The following SORCS2 variants were observed in gnomAD, a reference collection of about 807,000 sequenced individuals.
SORCS2 encodes the protein VPS10 domain-containing receptor SorCS2.
Under a neutral mutation model 141.6 loss-of-function variants are expected in SORCS2, and 100 were observed. The ratio of observed to expected loss-of-function variants is 0.71; its 90% CI spans 0.60 to 0.83. SORCS2 has a LOEUF of 0.83. Ranked by LOEUF, SORCS2 falls within the 40% of genes least tolerant of loss-of-function variation. The pLI is 0.00. For synonymous variants in SORCS2, 789 were observed against 676.9 expected (o/e 1.17, Z -2.57); for missense variants, 1,646 against 1,560.2 (o/e 1.05, Z -0.93).
intron 2 of SORCS2, among the ~76,000 whole-genome samples, chr4:7,518,206 C>T (rs978962726): frequency 5.9e-5 from 9 of 152,154 alleles, no homozygotes; most frequent in Non-Finnish European, 1.3e-4. Flanking sequence ...GATACATTAG[C>T]GTATCAGGAA....
At chr4:7,531,248 A>C (rs1711613654) in intron 2 of SORCS2, among the ~76,000 whole-genome samples, 1 of 152,098 alleles carries the variant, frequency 6.6e-6, no homozygotes, top group Non-Finnish European at 1.5e-5. Flanking sequence ...ATGGGGGAGG[A>C]ATGACTGGCT....
intron 3 of SORCS2, among the ~76,000 whole-genome samples, chr4:7,557,218 C>G (rs906948292): frequency 2.0e-5 from 3 of 152,174 alleles, no homozygotes; most frequent in African/African-American, 7.2e-5. Flanking sequence ...TGCCCAAGGT[C>G]TTTTCCTCTT....
At chr4:7,579,732 T>G (rs1716019699) in intron 3 of SORCS2, among the ~76,000 whole-genome samples, 1 of 152,182 alleles carries the variant, frequency 6.6e-6, no homozygotes, top group Non-Finnish European at 1.5e-5. Context: ...CAGAGGTGGA[T>G]GAGATGTGTC....
chr4:7,492,946 C>A (rs1731401077), intron 2 of SORCS2, among the ~76,000 whole-genome samples: 1 of 152,152 alleles, frequency 6.6e-6, no homozygotes, highest in Non-Finnish European at 1.5e-5. Context: ...CCCCCAAATA[C>A]ATAATTGCTC....
rs1722364640 is a variant in SORCS2 at position 7,664,330 on chromosome 4, G to C, written c.953-23G>C. 1.9e-6 allele frequency: 3 copies of C among 1,600,778 alleles called. No homozygotes were observed. ...GGCTCCGGCTGGAGTCTGACCGCCT[G>C]GGTCGGCGCCTCTCTCCTGTAGATT... is the stretch of plus-strand genomic sequence containing the variant. On this transcript the variant is annotated intron_variant, in intron 6 of 26. Coordinates refer to ENST00000507866, the MANE Select transcript of SORCS2 (RefSeq NM_020777.3). The surrounding 1 kb of genome is among the most constrained non-coding windows in gnomAD (Gnocchi z 4.7).
chr4:7,390,859 G>C (rs950181974), intron 1 of SORCS2, among the ~76,000 whole-genome samples: 3 of 152,190 alleles, frequency 2.0e-5, no homozygotes, highest in Non-Finnish European at 2.9e-5. Flanking sequence ...GATGTTTGGG[G>C]GTTCTAAAGG....
chr4:7,695,918 GGATGGATT>G (rs1724668890), intron 11 of SORCS2, among the ~76,000 whole-genome samples: 35 of 109,966 alleles, frequency 3.2e-4, no homozygotes, highest in South Asian at 6.0e-4. Flanking sequence ...ATGGATGGAT[GGATGGATT>G]GGTGGGTGGG....
chr4:7,704,285 G>T lies in SORCS2; in HGVS notation c.1868+1G>T. 1 of 1,608,072 alleles carries T rather than the reference G, an allele frequency of 6.2e-7. No homozygotes were observed. ...CAGGGGACGAGACGCTGGTCATGAC[G>T]TGAGTGCGGGGACCGGGGAGTGGGC... On this transcript the variant is annotated splice_donor_variant, in intron 14 of 26. Coordinates refer to ENST00000507866, the MANE Select transcript of SORCS2 (RefSeq NM_020777.3). LOFTEE classifies it high-confidence loss of function.
At chr4:7,740,125 C>T (rs1156684880) in intron 26 of SORCS2, 75 bp from the exon 27 acceptor site, 33 of 1,361,768 alleles carry the variant, frequency 2.4e-5, no homozygotes, top group South Asian at 3.7e-5. Flanking sequence ...CCTGAGGCCA[C>T]GACCGTGTCC....
chr4:7,431,869 C>T (rs1253472471), intron 2 of SORCS2: 1 of 152,276 alleles, frequency 6.6e-6, no homozygotes, highest in African/African-American at 2.4e-5. Context: ...CACCCGCTCA[C>T]ATCCCGTCCA....
At chr4:7,418,454 C>A (rs891242953) in intron 2 of SORCS2, among the ~76,000 whole-genome samples, 2 of 152,100 alleles carry the variant, frequency 1.3e-5, no homozygotes, top group African/African-American at 2.4e-5. Context: ...AGCAGACCAC[C>A]CATGCAAAGT....
intron 3 of SORCS2, among the ~76,000 whole-genome samples, chr4:7,635,060 T>C (rs571366124): frequency 6.6e-6 from 1 of 152,322 alleles, no homozygotes; most frequent in African/African-American, 2.4e-5. Context: ...TGGTGGAAGC[T>C]GAACAAAGCG....
At chr4:7,603,587 C>T (rs1717876348) in intron 3 of SORCS2, among the ~76,000 whole-genome samples, 2 of 152,158 alleles carry the variant, frequency 1.3e-5, no homozygotes, top group Non-Finnish European at 2.9e-5. Context: ...TTTATTCTCA[C>T]CTTTATTTCT....
chr4:7,419,465 T>G (rs1472362191), intron 2 of SORCS2, among the ~76,000 whole-genome samples: 1 of 152,184 alleles, frequency 6.6e-6, no homozygotes, highest in African/African-American at 2.4e-5. Context: ...GTTATAGCAA[T>G]GGGCCTTGTA....
At chr4:7,374,130 T>TC (rs1485153035) in intron 1 of SORCS2, among the ~76,000 whole-genome samples, 1 of 2,404 alleles carries the variant, frequency 4.2e-4, no homozygotes, top group African/African-American at 1.6e-3. Flanking sequence ...TTTCTTTCCC[T>TC]CTTTCTTTCT....
chr4:7,725,080 G>C, intron 19 of SORCS2, 74 bp from the exon 20 acceptor site: 4 of 1,516,892 alleles, frequency 2.6e-6, no homozygotes, highest in African/African-American at 2.8e-5. Context: ...GCTGGTGACA[G>C]TGATCACTAA....
chr4:7,386,459 GCACA>G (rs535385988), intron 1 of SORCS2, among the ~76,000 whole-genome samples: 1 of 47,866 alleles, frequency 2.1e-5, no homozygotes, highest in African/African-American at 1.1e-4. Flanking sequence ...ACATGTGCAC[GCACA>G]CACATGCACA....
At chr4:7,236,347 G>T (rs906004838) in intron 1 of SORCS2, among the ~76,000 whole-genome samples, 1 of 152,152 alleles carries the variant, frequency 6.6e-6, no homozygotes, top group African/African-American at 2.4e-5. Context: ...CAGCAGAACG[G>T]CCAGTGCAGG....
chr4:7,393,702 G>T (rs762582561), intron 1 of SORCS2, among the ~76,000 whole-genome samples: 5 of 152,122 alleles, frequency 3.3e-5, no homozygotes, highest in Non-Finnish European at 7.3e-5. Flanking sequence ...TAACTGTGGG[G>T]CTCGTCGGTG....
Sources: allele counts gnomAD v4.1 joint callset (sites outside exome capture counted in the v4.1 genomes callset), GRCh38; gene constraint gnomAD v4.1.1; non-coding constraint Gnocchi (gnomAD v3.1); transcripts MANE v1.5; gene names NCBI Gene and HGNC (gene_info 2026-07-23, HGNC 2026-07-21).